The following NAV2 variants were observed in gnomAD, a reference collection of about 807,000 sequenced individuals.
NAV2 encodes neuron navigator 2, also known as helicase, APC down-regulated 1.
NAV2 carries 54 observed loss-of-function variants against 223.2 expected under a neutral mutation model. The ratio of observed to expected loss-of-function variants is 0.24; its 90% CI spans 0.19 to 0.30. The LOEUF is 0.30. Ranked by LOEUF, NAV2 falls within the 10% of genes least tolerant of loss-of-function variation. The probability of loss-of-function intolerance (pLI) is 1.00; values close to 1 mark genes in which losing one functional copy is unlikely to be tolerated. For missense variants in NAV2, 2,806 were observed against 3,147.5 expected (o/e 0.89, Z 2.60); for synonymous variants, 1,279 against 1,239.3 (o/e 1.03, Z -0.67).
chr11:19,385,989 C>T lies in NAV2; in HGVS notation c.75+34962C>T, dbSNP rs959397325. 2.6e-5 allele frequency among the ~76,000 whole-genome samples: 4 copies of T among 152,120 alleles called. 1 individual carries two copies. The highest frequency in any genetic ancestry group is 2.6e-4 in the Admixed American group (4 of 15,288). ...CCGTCTTAGCCAGGATGGTCTTGAT[C>T]TCCTGACCTCATGATCCACCCGCCC... is the stretch of plus-strand genomic sequence containing the variant. On this transcript the variant is annotated intron_variant, in intron 1 of 37. Coordinates refer to the NAV2 transcript ENST00000360655.
At position 19,998,743 on chromosome 11, in the gene NAV2, T is replaced by G. The variant is rs1200837820; in HGVS notation, c.2768+14496T>G. Reference sequence around the variant, plus strand: ...CTTTTCTCCTTATAAGCCTGGCTTATTCTCTTCCTTCAGGTCTCAACTCAA... The same window carrying G: ...CTTTTCTCCTTATAAGCCTGGCTTAGTCTCTTCCTTCAGGTCTCAACTCAA... On this transcript the variant is annotated intron_variant, in intron 11 of 37. Coordinates refer to ENST00000349880, the MANE Select transcript of NAV2 (RefSeq NM_145117.5). The surrounding 1 kb of genome is among the most constrained non-coding windows in gnomAD (Gnocchi z 5.0). 6.6e-6 allele frequency among the ~76,000 whole-genome samples: 1 copy of G among 152,202 alleles called. No homozygotes were observed. Among genetic ancestry groups the G allele is most frequent in the Non-Finnish European group, 1.5e-5 (1 of 68,034 alleles).
In NAV2 at chr11:19,561,876, G is replaced by A. The variant is rs572909640; in HGVS notation, c.75+210849G>A. Among the ~76,000 whole-genome samples, 5 of 152,274 alleles carry A rather than the reference G, an allele frequency of 3.3e-5. No homozygotes were observed. In the South Asian group the frequency reaches 1.0e-3, roughly 32 times the overall value. On this transcript the variant is annotated intron_variant, in intron 1 of 37. Coordinates refer to the NAV2 transcript ENST00000360655. ...TGGGCCTTGGCTAAGAAGAGATCCT[G>A]CCCCACTGCCCCAGGCTACCATCCC...
chr11:19,477,603 G>C (rs552873370), intron 1 of NAV2, among the ~76,000 whole-genome samples: 3 of 152,234 alleles, frequency 2.0e-5, no homozygotes, highest in Non-Finnish European at 2.9e-5. Flanking sequence ...GACCATATTG[G>C]GAAATTTACA....
intron 12 of NAV2, among the ~76,000 whole-genome samples, chr11:20,043,051 A>G (rs1237585667): frequency 6.6e-6 from 1 of 152,208 alleles, no homozygotes; most frequent in Non-Finnish European, 1.5e-5. Flanking sequence ...AAGCAGTGGC[A>G]TATAAATAAT....
rs552593053 is a variant in NAV2 at position 20,023,199 on chromosome 11, C to T, written c.2769-12760C>T. 48 of 1,405,794 alleles carry T rather than the reference C, an allele frequency of 3.4e-5. No individual in the cohort carries two copies. In the South Asian group the frequency reaches 5.8e-4, roughly 17 times the overall value. 87.1% of individuals were successfully genotyped at this position (1,405,794 alleles called of 1,614,324 possible). A position where few individuals can be genotyped will look rare whatever the true frequency, so the allele number is the denominator to read the frequency against. On this transcript the variant is annotated intron_variant, in intron 11 of 37. Transcript: ENST00000349880. ...GTGGTGCATGTACTGCCTTGTCTTC[C>T]TTGGCCGGTATTGAAAAGCCTGGTG...
chr11:19,484,997 C>T (rs888335349), intron 1 of NAV2, among the ~76,000 whole-genome samples: 13 of 150,404 alleles, frequency 8.6e-5, no homozygotes, highest in African/African-American at 2.7e-4. Flanking sequence ...GGAGAAATTC[C>T]TGTGTCTTGG....
rs386373253 is a variant in NAV2, at chr11:19,668,553, A to AAT, written c.76-163930_76-163929insTA. Among the ~76,000 whole-genome samples, 3 of 151,618 alleles carry AAT rather than the reference A, an allele frequency of 2.0e-5. No individual in the cohort carries two copies. The East Asian group carries it at 5.8e-4, about 29-fold the overall frequency. On this transcript the variant is annotated intron_variant, in intron 1 of 37. Coordinates refer to the NAV2 transcript ENST00000360655. ...GTCTCAAAAAAAAAAAAAAAAAAAA[A>AAT]AAAGTAGCCCTACGTTCCATAGTCC...
At chr11:19,397,424 C>T (rs1160451342) in intron 1 of NAV2, among the ~76,000 whole-genome samples, 10 of 33,132 alleles carry the variant, frequency 3.0e-4, no homozygotes, top group Non-Finnish European at 5.4e-4. Flanking sequence ...TGTGTGCGCG[C>T]ATGTGTGTGT....
intron 1 of NAV2, among the ~76,000 whole-genome samples, chr11:19,497,304 A>G (rs975090199): frequency 2.0e-5 from 3 of 152,226 alleles, no homozygotes; most frequent in Non-Finnish European, 2.9e-5. Context: ...TAAGTGCCGT[A>G]TAAGAATTTG....
At chr11:19,971,135 T>C (rs955356566) in intron 10 of NAV2, among the ~76,000 whole-genome samples, 1 of 152,148 alleles carries the variant, frequency 6.6e-6, no homozygotes, top group African/African-American at 2.4e-5. Flanking sequence ...GAGCACATCA[T>C]CTGGTTTTGG....
intron 12 of NAV2, among the ~76,000 whole-genome samples, chr11:20,037,450 T>A (rs1378947130): frequency 2.0e-5 from 3 of 151,930 alleles, no homozygotes; most frequent in African/African-American, 7.3e-5. Flanking sequence ...CCTGATGAAA[T>A]ACATTAGGTG....
chr11:19,642,099 T>C (rs2047682304), intron 1 of NAV2, among the ~76,000 whole-genome samples: 1 of 152,184 alleles, frequency 6.6e-6, no homozygotes, highest in Admixed American at 6.5e-5. Context: ...GTTGAAAGCC[T>C]TAGATGAAGA....
At chr11:19,575,743 G>A (rs868419242) in intron 1 of NAV2, among the ~76,000 whole-genome samples, 3 of 152,124 alleles carry the variant, frequency 2.0e-5, no homozygotes, top group Admixed American at 6.5e-5. Flanking sequence ...GGGAGCTCCC[G>A]ATGGCCAGGG....
intron 1 of NAV2, among the ~76,000 whole-genome samples, chr11:19,737,820 C>T (rs561337876): frequency 2.5e-4 from 38 of 152,316 alleles, no homozygotes; most frequent in African/African-American, 7.2e-4. Flanking sequence ...GCAGATCCAA[C>T]GCAGCTGATC....
chr11:19,445,780 GAGAAAGGGAGA>G (rs1564941579), intron 1 of NAV2, among the ~76,000 whole-genome samples: 2 of 146,780 alleles, frequency 1.4e-5, no homozygotes, highest in Non-Finnish European at 3.0e-5. Context: ...TTAAATAAGA[GAGAAAGGGAGA>G]TGGAGGGAAG....
chr11:19,443,470 C>A (rs1174777794), intron 1 of NAV2, among the ~76,000 whole-genome samples: 1 of 152,230 alleles, frequency 6.6e-6, no homozygotes, highest in Admixed American at 6.5e-5. Flanking sequence ...CCTTGCAAAT[C>A]TTTTGCAGAA....
chr11:19,783,321 T>C (rs1382920334), intron 1 of NAV2, among the ~76,000 whole-genome samples: 3 of 152,206 alleles, frequency 2.0e-5, no homozygotes, highest in Non-Finnish European at 1.5e-5. Context: ...TTTTAGATGA[T>C]AGCAGTGTTT....
intron 1 of NAV2, among the ~76,000 whole-genome samples, chr11:19,796,129 G>A (rs529473879): frequency 5.8e-4 from 88 of 152,300 alleles, no homozygotes; most frequent in African/African-American, 2.1e-3. Context: ...CCAGGAACTA[G>A]GAACCATTCT....
chr11:19,508,376 A>G (rs1363728474), intron 1 of NAV2, among the ~76,000 whole-genome samples: 1 of 152,214 alleles, frequency 6.6e-6, no homozygotes, highest in East Asian at 1.9e-4. Context: ...CTAAAGAAAA[A>G]CAAATAAGCA....
Sources: gnomAD v4.1 joint callset for allele counts (sites outside exome capture counted in the v4.1 genomes callset) on GRCh38, gnomAD v4.1.1 for gene constraint, Gnocchi (gnomAD v3.1) non-coding constraint, MANE v1.5 for transcripts, NCBI Gene and HGNC (gene_info 2026-07-23, HGNC 2026-07-21) for gene names.